The following PCDHA9 variants were observed in gnomAD, a reference collection of about 807,000 sequenced individuals.
PCDHA9 encodes protocadherin alpha 9.
In PCDHA9, 62 loss-of-function variants were observed where a neutral mutation model predicts 62.0. The observed-to-expected ratio is 1.00, with a 90% CI of 0.81 to 1.23. The LOEUF (loss-of-function observed/expected upper bound fraction) is 1.23, where lower values mean the gene tolerates loss of function less well. Ranked by LOEUF, PCDHA9 falls within the 50% of genes most tolerant of loss-of-function variation. The probability of loss-of-function intolerance (pLI) is 0.00; values close to 1 mark genes in which losing one functional copy is unlikely to be tolerated. For synonymous variants in PCDHA9, 557 were observed against 567.6 expected (o/e 0.98, Z 0.27); for missense variants, 1,205 against 1,249.8 (o/e 0.96, Z 0.54).
At chr5:140,935,570 T>C (rs2090442737) in intron 1 of PCDHA9, among the ~76,000 whole-genome samples, 1 of 152,236 alleles carries the variant, frequency 6.6e-6, no homozygotes, top group South Asian at 2.1e-4. Context: ...TTCCTCTCTG[T>C]GTAGTTAAGC....
At chr5:140,994,704 CA>C (rs1294993555) in intron 3 of PCDHA9, among the ~76,000 whole-genome samples, 1 of 150,730 alleles carries the variant, frequency 6.6e-6, no homozygotes, top group Non-Finnish European at 1.5e-5. Flanking sequence ...GACCCTGTCT[CA>C]AAAAAAAATT....
intron 1 of PCDHA9, chr5:140,882,427 G>C (rs201675412): frequency 1.6e-4 from 264 of 1,613,972 alleles, no homozygotes; most frequent in Middle Eastern, 1.7e-4. Context: ...AGGACCTGGG[G>C]CTGGAGCTGG....
intron 1 of PCDHA9, chr5:140,870,868 G>A (rs550915753): frequency 1.2e-6 from 2 of 1,613,944 alleles, no homozygotes; most frequent in Non-Finnish European, 1.7e-6. Flanking sequence ...TGCGGGCCAC[G>A]TGGTGGCGAA....
rs369786229 is a variant in PCDHA9 at position 140,858,286 on chromosome 5, G to T, written c.2394+7397G>T. ...TGTGCTCTAGCGCGGTGGGGAGCTGGTCTTACTCGCAGCAGAGGCGGCAGA... is the reference window on the plus strand; with the variant it reads ...TGTGCTCTAGCGCGGTGGGGAGCTGTTCTTACTCGCAGCAGAGGCGGCAGA... On this transcript the variant is annotated intron_variant, in intron 1 of 3. Coordinates refer to ENST00000532602, the MANE Select transcript of PCDHA9 (RefSeq NM_031857.2). 5.0e-6 allele frequency: 8 copies of T among 1,597,506 alleles called. 1 individual carries two copies. Among genetic ancestry groups the T allele is most frequent in the Non-Finnish European group, 6.9e-6 (8 of 1,167,336 alleles).
chr5:141,010,025 A>G lies in PCDHA9; in HGVS notation c.*88A>G. The G allele has an allele frequency of 6.4e-7, 1 of 1,573,940 alleles. No homozygotes were observed. The highest frequency in any genetic ancestry group is 2.2e-5 in the East Asian group (1 of 44,636). ...TAGCAATTCCCTGCTCCTTTTTCCT[A>G]TCTACATGAGCCCTCTTAGAGACCT... On this transcript the variant is annotated 3_prime_UTR_variant, in exon 4 of 4. Transcript: ENST00000532602.
intron 3 of PCDHA9, among the ~76,000 whole-genome samples, chr5:140,984,330 A>C (rs2097097334): frequency 6.6e-6 from 1 of 152,204 alleles, no homozygotes; most frequent in Admixed American, 6.5e-5. Context: ...CAAATGTGGA[A>C]TAGGAACCAT....
At chr5:140,878,098 A>C in intron 1 of PCDHA9, 1 of 278,310 alleles carries the variant, frequency 3.6e-6, no homozygotes, top group Non-Finnish European at 6.4e-6. Flanking sequence ...TGACTGATGA[A>C]CCTTGAAAAA....
chr5:140,870,106 G>A, intron 1 of PCDHA9: 3 of 1,613,922 alleles, frequency 1.9e-6, no homozygotes, highest in Non-Finnish European at 2.5e-6. Context: ...TCACTGTACA[G>A]TCTGGGTGGA....
rs1256461262 is a variant in PCDHA9, at chr5:140,982,640, A to T, written c.2542+77A>T. On this transcript the variant is annotated intron_variant, in intron 3 of 3. Transcript: ENST00000532602. ...ATGACCTACTTTTGTAAGATCAGGA[A>T]TGTTGATGGCTCTTTTTCTTTTATA... 3 of 1,544,442 alleles carry T rather than the reference A, an allele frequency of 1.9e-6. No individual in the cohort carries two copies. The African/African-American group carries it at 4.2e-5, about 21-fold the overall frequency.
chr5:140,966,982 G>C, intron 1 of PCDHA9: 1 of 1,603,506 alleles, frequency 6.2e-7, no homozygotes, highest in Non-Finnish European at 8.5e-7. Flanking sequence ...TGCGGCGCTT[G>C]GGGCCGGGTT....
rs1310141347 is a variant in PCDHA9, at chr5:140,970,963, T to C, written c.2395-7986T>C. ...TGCTGAGAAACCATGGGAGGCAGAT[T>C]GTAGATTAAGAAAAATGGGGGAATA... On this transcript the variant is annotated intron_variant, in intron 1 of 3. Coordinates refer to ENST00000532602, the MANE Select transcript of PCDHA9 (RefSeq NM_031857.2). Among the ~76,000 whole-genome samples, 41 of 152,180 alleles carry C rather than the reference T, an allele frequency of 2.7e-4. 1 individual carries two copies. Among genetic ancestry groups the C allele is most frequent in the Admixed American group, 2.7e-3 (41 of 15,274 alleles).
At chr5:140,944,124 G>T (rs922088265) in intron 1 of PCDHA9, among the ~76,000 whole-genome samples, 10 of 152,200 alleles carry the variant, frequency 6.6e-5, no homozygotes, top group Admixed American at 6.5e-4. Context: ...TACCAGAGAA[G>T]AAAAGGTTGA....
At chr5:141,002,702 G>A (rs2153975030) in intron 3 of PCDHA9, among the ~76,000 whole-genome samples, 1 of 152,294 alleles carries the variant, frequency 6.6e-6, no homozygotes, top group South Asian at 2.1e-4. Context: ...GTTTAACTCT[G>A]TTGCACACAC....
intron 1 of PCDHA9, among the ~76,000 whole-genome samples, chr5:140,971,278 ATATTAATATG>A (rs1408088373): frequency 6.6e-6 from 1 of 152,208 alleles, no homozygotes; most frequent in African/African-American, 2.4e-5. Context: ...ACTGACCTGT[ATATTAATATG>A]TACTTTGGTA....
intron 1 of PCDHA9, among the ~76,000 whole-genome samples, chr5:140,899,002 G>T (rs1265936919): frequency 7.2e-4 from 110 of 151,880 alleles, no homozygotes; most frequent in African/African-American, 2.6e-3. Context: ...GTCTGTTATT[G>T]GTGTATAAGA....
intron 1 of PCDHA9, chr5:140,876,327 G>T: frequency 6.2e-7 from 1 of 1,614,026 alleles, no homozygotes. Flanking sequence ...AAATGATTTT[G>T]CCAGTGAGTG....
intron 1 of PCDHA9, among the ~76,000 whole-genome samples, chr5:140,921,992 C>A (rs963694302): frequency 6.6e-6 from 1 of 151,842 alleles, no homozygotes; most frequent in South Asian, 2.1e-4. Context: ...AAAAAGAGTT[C>A]AATGAAATGA....
At chr5:140,968,349 G>A (rs1554230631) in intron 1 of PCDHA9, 2 of 1,614,128 alleles carry the variant, frequency 1.2e-6, no homozygotes, top group Admixed American at 3.3e-5. Context: ...AACAGTGCCA[G>A]TGGCAGCCTT....
chr5:141,002,135 G>A (rs1265359430), intron 3 of PCDHA9, among the ~76,000 whole-genome samples: 1 of 152,236 alleles, frequency 6.6e-6, no homozygotes, highest in African/African-American at 2.4e-5. Flanking sequence ...AGCCTTTGCC[G>A]GCTGCACTGA....
Sources: allele counts gnomAD v4.1 joint callset (sites outside exome capture counted in the v4.1 genomes callset), GRCh38; gene constraint gnomAD v4.1.1; transcripts MANE v1.5; gene names NCBI Gene and HGNC (gene_info 2026-07-23, HGNC 2026-07-21).